Variants in GLRA3 observed in about 807,000 individuals in gnomAD.
GLRA3 encodes the protein glycine receptor alpha 3.
Under a neutral mutation model 60.4 loss-of-function variants are expected in GLRA3, and 44 were observed. The ratio of observed to expected loss-of-function variants is 0.73; its 90% confidence interval spans 0.57 to 0.94. GLRA3 has a LOEUF of 0.94. Ranked by LOEUF, GLRA3 falls within the 40% of genes least tolerant of loss-of-function variation. The probability of loss-of-function intolerance (pLI) is 0.00; values close to 1 mark genes in which losing one functional copy is unlikely to be tolerated. For synonymous variants in GLRA3, 223 were observed against 192.9 expected, an observed-to-expected ratio of 1.16 and a Z score of -1.29; for missense variants, 508 against 564.6, an observed-to-expected ratio of 0.90 and a Z score of 1.02.
At chr4:174,802,443 C>T (rs1443212364) in intron 1 of GLRA3, among the ~76,000 whole-genome samples, 1 of 152,014 alleles carries the variant, frequency 6.6e-6, no homozygotes, top group Non-Finnish European at 1.5e-5. Flanking sequence ...CATGATTGTC[C>T]AACTGACTAC....
At chr4:174,786,363 T>C (rs1285900318) in intron 2 of GLRA3, among the ~76,000 whole-genome samples, 1 of 152,112 alleles carries the variant, frequency 6.6e-6, no homozygotes, top group Non-Finnish European at 1.5e-5. Context: ...CTTCATTTTC[T>C]ACATCTATGT....
At chr4:174,776,942 T>C (rs1176655132) in intron 2 of GLRA3, among the ~76,000 whole-genome samples, 1 of 152,074 alleles carries the variant, frequency 6.6e-6, no homozygotes, top group Non-Finnish European at 1.5e-5. Flanking sequence ...ACAAATTGGA[T>C]AAATGGCACC....
chr4:174,668,991 G>A (rs1044285151), intron 7 of GLRA3, among the ~76,000 whole-genome samples: 5 of 152,120 alleles, frequency 3.3e-5, no homozygotes, highest in Middle Eastern at 3.4e-3. Context: ...TTGGCTGTGC[G>A]ATGGGCAAGT....
chr4:174,719,259 G>A (rs964983322), intron 4 of GLRA3, among the ~76,000 whole-genome samples: 5 of 152,238 alleles, frequency 3.3e-5, no homozygotes, highest in Admixed American at 6.5e-5. Flanking sequence ...CACCGCGCCC[G>A]GCCTCGTGCT....
intron 9 of GLRA3, among the ~76,000 whole-genome samples, chr4:174,654,111 C>T (rs1733113561): frequency 1.3e-5 from 2 of 152,190 alleles, no homozygotes; most frequent in Middle Eastern, 3.4e-3. Flanking sequence ...ATTTAAAGAA[C>T]ATCTTAGCTC....
At chr4:174,750,726 G>C (rs7693058) in intron 3 of GLRA3, among the ~76,000 whole-genome samples, 29,898 of 151,954 alleles carry the variant, frequency 0.2, 3,497 homozygotes, top group Non-Finnish European at 0.28. Context: ...GCTTTGGAGT[G>C]GTATTCATAA....
chr4:174,696,459 TAATAC>T (rs1289251067), intron 5 of GLRA3, among the ~76,000 whole-genome samples: 6 of 148,974 alleles, frequency 4.0e-5, no homozygotes, highest in African/African-American at 1.5e-4. Context: ...GTAACAAATA[TAATAC>T]AATACAATAT....
intron 4 of GLRA3, among the ~76,000 whole-genome samples, chr4:174,718,544 ATT>A (rs1438531814): frequency 6.6e-6 from 1 of 152,202 alleles, no homozygotes; most frequent in East Asian, 1.9e-4. Context: ...TTGTACAAGC[ATT>A]GTTTCATGTG....
rs201626503 is a variant in GLRA3, at chr4:174,750,554, TA to T, written c.267+16408del. Among the ~76,000 whole-genome samples the T allele has an allele frequency of 1.8e-4, 27 of 151,360 alleles. 1 individual carries two copies. The highest frequency in any genetic ancestry group is 6.3e-4 in the South Asian group (3 of 4,780). On this transcript the variant is annotated intron_variant, in intron 3 of 9. Transcript: ENST00000274093. ...TTAGTAAATGAAAGGCCAGCATCTT[TA>T]AAAAAAAATGCATTGTGATGGCTGT...
chr4:174,770,858 T>G (rs1240191597), intron 2 of GLRA3, among the ~76,000 whole-genome samples: 1 of 151,818 alleles, frequency 6.6e-6, no homozygotes, highest in Admixed American at 6.6e-5. Context: ...ACTCCATGAT[T>G]AAAACAAAAT....
chr4:174,760,693 T>G (rs980586024), intron 3 of GLRA3, among the ~76,000 whole-genome samples: 2 of 151,964 alleles, frequency 1.3e-5, no homozygotes, highest in African/African-American at 4.8e-5. Context: ...CTAATTCTTG[T>G]TTTTTTAGTA....
intron 5 of GLRA3, among the ~76,000 whole-genome samples, chr4:174,696,994 T>G (rs1358784537): frequency 6.6e-6 from 1 of 152,200 alleles, no homozygotes; most frequent in African/African-American, 2.4e-5. Flanking sequence ...CATACCAGTT[T>G]TGAAGAATAC....
intron 2 of GLRA3, among the ~76,000 whole-genome samples, chr4:174,779,616 A>G: frequency 6.6e-6 from 1 of 152,190 alleles, no homozygotes; most frequent in Non-Finnish European, 1.5e-5. Flanking sequence ...AGAAGTGCTT[A>G]AAGGAGCTGA....
chr4:174,824,381 C>A (rs2111405597), intron 1 of GLRA3, among the ~76,000 whole-genome samples: 2 of 152,236 alleles, frequency 1.3e-5, no homozygotes, highest in South Asian at 4.1e-4. Context: ...TAAACACTAC[C>A]TCTGAAGAAG....
chr4:174,716,585 T>G (rs1338821516), intron 4 of GLRA3, among the ~76,000 whole-genome samples: 1 of 152,180 alleles, frequency 6.6e-6, no homozygotes, highest in Non-Finnish European at 1.5e-5. Context: ...CCATTGAAAT[T>G]CAGTGTCTTC....
intron 3 of GLRA3, among the ~76,000 whole-genome samples, chr4:174,743,271 A>G (rs28446224): frequency 0.16 from 24,071 of 152,138 alleles, 2,492 homozygotes; most frequent in African/African-American, 0.3. Flanking sequence ...AAGATTATAA[A>G]ATTAAAGAAT....
chr4:174,658,972 C>A, intron 8 of GLRA3, 82 bp downstream of exon 8: 1 of 1,242,910 alleles, frequency 8.0e-7, no homozygotes, highest in South Asian at 1.4e-5. Context: ...AATTGCTTCT[C>A]TTTTCATCTC....
chr4:174,731,172 G>A (rs1187092581), intron 3 of GLRA3, among the ~76,000 whole-genome samples: 1 of 152,090 alleles, frequency 6.6e-6, no homozygotes, highest in Non-Finnish European at 1.5e-5. Flanking sequence ...TGCTTTGCCT[G>A]CAAATGAACA....
At chr4:174,665,237 CTTTTTTTT>C (rs34499494) in intron 7 of GLRA3, among the ~76,000 whole-genome samples, 1 of 127,488 alleles carries the variant, frequency 7.8e-6, no homozygotes, top group African/African-American at 3.0e-5. Context: ...TTTGTATTTA[CTTTTTTTT>C]TTTTTTTTTT....
Sources: allele counts gnomAD v4.1 joint callset (sites outside exome capture counted in the v4.1 genomes callset), GRCh38; gene constraint gnomAD v4.1.1; transcripts MANE v1.5; gene names NCBI Gene and HGNC (gene_info 2026-07-23, HGNC 2026-07-21).